The following SNCAIP variants were observed in gnomAD, a reference collection of about 807,000 sequenced individuals.
SNCAIP encodes the protein synphilin-1.
In SNCAIP, 43 loss-of-function variants were observed where a neutral mutation model predicts 86.7. The ratio of observed to expected loss-of-function variants is 0.50; its 90% CI spans 0.39 to 0.64. SNCAIP has a LOEUF of 0.64. Among genes scored for constraint, SNCAIP ranks in the 30% least tolerant of loss-of-function variants. SNCAIP has a pLI of 0.00. For missense variants in SNCAIP, 981 were observed against 1,103.1 expected, an observed-to-expected ratio of 0.89 and a Z score of 1.57; for synonymous variants, 417 against 427.2, an observed-to-expected ratio of 0.98 and a Z score of 0.29.
chr5:122,409,712 A>G (rs1024603197), intron 3 of SNCAIP, among the ~76,000 whole-genome samples: 2 of 152,240 alleles, frequency 1.3e-5, no homozygotes, highest in Non-Finnish European at 2.9e-5. Flanking sequence ...CCCTAAACCT[A>G]CAAAGATAAA....
intron 1 of SNCAIP, among the ~76,000 whole-genome samples, chr5:122,367,692 A>G: frequency 6.6e-6 from 1 of 152,094 alleles, no homozygotes; most frequent in East Asian, 1.9e-4. Flanking sequence ...GTCTTGGCAA[A>G]GAACCCAGGT....
At chr5:122,387,075 G>A (rs980908977) in intron 1 of SNCAIP, among the ~76,000 whole-genome samples, 2 of 152,128 alleles carry the variant, frequency 1.3e-5, no homozygotes, top group African/African-American at 4.8e-5. Flanking sequence ...GAGAAATTCA[G>A]ATTCACAAAT....
chr5:122,382,471 C>T (rs1188139042), intron 1 of SNCAIP, among the ~76,000 whole-genome samples: 1 of 152,174 alleles, frequency 6.6e-6, no homozygotes, highest in Non-Finnish European at 1.5e-5. Context: ...TTTTCAACTT[C>T]TTTGCCTTTG....
intron 6 of SNCAIP, among the ~76,000 whole-genome samples, chr5:122,436,204 T>C (rs538647773): frequency 6.6e-6 from 1 of 152,196 alleles, no homozygotes; most frequent in African/African-American, 2.4e-5. Context: ...TTAATTTTTT[T>C]TTTTTTTAAA....
intron 5 of SNCAIP, among the ~76,000 whole-genome samples, chr5:122,428,977 T>C (rs1777886688): frequency 6.6e-6 from 1 of 152,128 alleles, no homozygotes; most frequent in Admixed American, 6.6e-5. Flanking sequence ...TGCAAAGTTA[T>C]GTCCTTCGAT....
In SNCAIP at chr5:122,320,346, C is replaced by A. The variant is rs1320854674; in HGVS notation, c.-47+8062C>A. 2.6e-5 allele frequency among the ~76,000 whole-genome samples: 4 copies of A among 152,260 alleles called. No homozygotes were observed. The South Asian group carries it at 8.3e-4, about 32-fold the overall frequency. The stretch of plus-strand genomic sequence containing the variant: ...AAATGACTGCAAATTCTCCATGTGA[C>A]CCCTCTTCCACAGTATTTATTGAGG... On this transcript the variant is annotated intron_variant, in intron 1 of 10. Coordinates refer to ENST00000261368, the MANE Select transcript of SNCAIP (RefSeq NM_005460.4).
intron 3 of SNCAIP, among the ~76,000 whole-genome samples, chr5:122,405,885 G>T (rs1581041119): frequency 6.6e-6 from 1 of 152,262 alleles, no homozygotes; most frequent in South Asian, 2.1e-4. Context: ...TTCTTCCGTG[G>T]TTGAGGAGGA....
intron 10 of SNCAIP, chr5:122,451,936 G>A (rs1783778293): frequency 3.7e-6 from 1 of 270,142 alleles, no homozygotes; most frequent in Non-Finnish European, 7.1e-6. Context: ...CCACCAATTA[G>A]CGCAAGTTTA....
chr5:122,384,249 C>G (rs56165146), intron 1 of SNCAIP, among the ~76,000 whole-genome samples: 2 of 152,064 alleles, frequency 1.3e-5, no homozygotes, highest in African/African-American at 2.4e-5. Flanking sequence ...TAGTGCATAA[C>G]CTTGGATGGA....
At chr5:122,446,759 G>A (rs1247443375) in intron 8 of SNCAIP, among the ~76,000 whole-genome samples, 1 of 152,168 alleles carries the variant, frequency 6.6e-6, no homozygotes, top group Non-Finnish European at 1.5e-5. Context: ...CAATAACATA[G>A]ACAAGGACAG....
At chr5:122,392,060 G>A (rs577300357) in intron 2 of SNCAIP, among the ~76,000 whole-genome samples, 4 of 152,138 alleles carry the variant, frequency 2.6e-5, no homozygotes, top group African/African-American at 9.6e-5. Flanking sequence ...TGGAGCTATG[G>A]GTCACCACTC....
At position 122,451,361 on chromosome 5, in the gene SNCAIP, A is replaced by C; in HGVS notation, c.2514A>C (p.Lys838Asn). The change falls in exon 10 of 11, where the codon AAA (lysine) becomes AAC (asparagine). Residue 838 changes from lysine (K) to asparagine (N), a missense_variant. Transcript: ENST00000261368. ...TTGAACTGAATGGAGAAAAAGACAA[A>C]GATAAGGGCAGGACTCTCCAGCGGA... ...PSLELNGEKDKDKGRTLQRTS... is the reference protein window; with the variant it reads ...PSLELNGEKDNDKGRTLQRTS... 6.2e-7 allele frequency: 1 copy of C among 1,614,182 alleles called. No individual in the cohort carries two copies. The highest frequency in any genetic ancestry group is 8.5e-7 in the Non-Finnish European group (1 of 1,180,012).
chr5:122,351,879 G>T (rs1336892718), intron 1 of SNCAIP, among the ~76,000 whole-genome samples: 2 of 152,136 alleles, frequency 1.3e-5, no homozygotes, highest in Non-Finnish European at 2.9e-5. Context: ...AGGAGGAGGG[G>T]TTTGTCAGTG....
intron 1 of SNCAIP, among the ~76,000 whole-genome samples, chr5:122,328,806 C>T (rs1000793749): frequency 6.6e-6 from 1 of 152,166 alleles, no homozygotes; most frequent in African/African-American, 2.4e-5. Flanking sequence ...GAGCCTTGCC[C>T]ACTTGTCCAG....
At chr5:122,312,713 A>C (rs1235539729) in intron 1 of SNCAIP, 1 of 152,220 alleles carries the variant, frequency 6.6e-6, no homozygotes, top group Non-Finnish European at 1.5e-5. Context: ...AGTACTAACA[A>C]CGGTAATAAT....
intron 5 of SNCAIP, among the ~76,000 whole-genome samples, chr5:122,429,770 G>C (rs984123171): frequency 3.9e-5 from 6 of 152,174 alleles, no homozygotes; most frequent in African/African-American, 1.4e-4. Flanking sequence ...GGAAAGTGCA[G>C]TACCCTGGGG....
chr5:122,319,642 A>G (rs570674982), intron 1 of SNCAIP, among the ~76,000 whole-genome samples: 4 of 152,342 alleles, frequency 2.6e-5, no homozygotes, highest in South Asian at 4.1e-4. Context: ...TCAAGGATCC[A>G]TTGAATCTCG....
At chr5:122,426,328 G>C (rs1049648497) in intron 5 of SNCAIP, among the ~76,000 whole-genome samples, 6 of 152,136 alleles carry the variant, frequency 3.9e-5, no homozygotes, top group African/African-American at 1.4e-4. Flanking sequence ...TCTTCTAAAA[G>C]CTGAATAATC....
At position 122,450,731 on chromosome 5, in the gene SNCAIP, C is replaced by T; in HGVS notation, c.1884C>T (p.Ile628=). 6.2e-7 allele frequency: 1 copy of T among 1,614,198 alleles called. No homozygotes were observed. Among genetic ancestry groups the T allele is most frequent in the Non-Finnish European group, 8.5e-7 (1 of 1,180,012 alleles). Residue 628 remains isoleucine (I), a synonymous_variant, in exon 10 of 11, where the codon ATC becomes ATT. Transcript: ENST00000261368. ...TACGCCAGTTATTGGGAAAGGAAATCTCAGAAAATGTCTGCACCCAGGAAA... is the reference window on the plus strand; with the variant it reads ...TACGCCAGTTATTGGGAAAGGAAATTTCAGAAAATGTCTGCACCCAGGAAA... ...KILRQLLGKE[I]SENVCTQEKL... is the part of the protein sequence containing the mutation.
Sources: allele counts gnomAD v4.1 joint callset (sites outside exome capture counted in the v4.1 genomes callset), GRCh38; gene constraint gnomAD v4.1.1; transcripts MANE v1.5; gene names NCBI Gene and HGNC (gene_info 2026-07-23, HGNC 2026-07-21).